FGD3: variants seen among roughly 807,000 people sequenced by gnomAD.
The protein encoded by FGD3 is FYVE, RhoGEF and PH domain-containing protein 3.
FGD3 carries 45 observed loss-of-function variants against 71.8 expected under a neutral mutation model. That is an observed-to-expected ratio of 0.63 (90% CI 0.49 to 0.80). FGD3 has a LOEUF of 0.80. Among genes scored for constraint, FGD3 ranks in the 30% least tolerant of loss-of-function variants. FGD3 has a pLI of 0.00. For missense variants in FGD3, 844 were observed against 951.5 expected, an observed-to-expected ratio of 0.89 and a Z score of 1.49; for synonymous variants, 378 against 392.8, an observed-to-expected ratio of 0.96 and a Z score of 0.44.
chr9:92,964,135 G>C (rs143365090), intron 1 of FGD3: 1 of 152,322 alleles, frequency 6.6e-6, no homozygotes, highest in Admixed American at 6.5e-5. Flanking sequence ...GTGGAGAGCT[G>C]TGGATTGCAT....
intron 14 of FGD3, among the ~76,000 whole-genome samples, chr9:93,028,363 A>G (rs1862217214): frequency 6.7e-6 from 1 of 150,122 alleles, no homozygotes; most frequent in Non-Finnish European, 1.5e-5. Flanking sequence ...AAGAAAGAAA[A>G]ACACCTGCAG....
chr9:92,947,623 C>T lies in FGD3; in HGVS notation c.-324C>T, dbSNP rs933691201. ...CACTGTGAGCGACCTCCCCGGGGCTCCTCTGGAAGCGGCTCCGGCAAGTAT... is the reference window on the plus strand; with the variant it reads ...CACTGTGAGCGACCTCCCCGGGGCTTCTCTGGAAGCGGCTCCGGCAAGTAT... On this transcript the variant is annotated 5_prime_UTR_variant, in exon 1 of 18. Coordinates refer to ENST00000375482, the MANE Select transcript of FGD3 (RefSeq NM_001083536.2). The T allele has an allele frequency of 6.6e-6, 1 of 152,290 alleles. No individual in the cohort carries two copies. The highest frequency in any genetic ancestry group is 2.4e-5 in the African/African-American group (1 of 41,456). 9.4% of individuals were successfully genotyped at this position (152,290 alleles called of 1,614,324 possible).
intron 10 of FGD3, among the ~76,000 whole-genome samples, chr9:93,016,158 C>CG (rs1564165179): frequency 6.6e-6 from 1 of 152,040 alleles, no homozygotes; most frequent in East Asian, 1.9e-4. Flanking sequence ...GACTGGGACT[C>CG]GGGGCCCTAT....
intron 16 of FGD3, chr9:93,033,840 G>A (rs1587877516): frequency 6.6e-6 from 1 of 152,404 alleles, no homozygotes; most frequent in Middle Eastern, 3.4e-3. Context: ...CCCTGACCTA[G>A]GTCCTTGGTC....
chr9:92,976,748 GCCTTT>G, intron 3 of FGD3, 39 bp downstream of exon 3: 1 of 1,513,632 alleles, frequency 6.6e-7, no homozygotes, highest in Non-Finnish European at 8.8e-7. Flanking sequence ...CGGGCTGCAG[GCCTTT>G]CCTTAGGAGG....
At chr9:92,971,826 C>T (rs1322512447) in intron 1 of FGD3, among the ~76,000 whole-genome samples, 1 of 151,928 alleles carries the variant, frequency 6.6e-6, no homozygotes, top group Non-Finnish European at 1.5e-5. Context: ...GTTGGATAAA[C>T]TTTGACATGG....
At chr9:92,998,873 G>A (rs1284779987) in intron 3 of FGD3, among the ~76,000 whole-genome samples, 1 of 152,182 alleles carries the variant, frequency 6.6e-6, no homozygotes, top group Non-Finnish European at 1.5e-5. Context: ...TGGGGTGTCA[G>A]TCGGCCCCTA....
intron 15 of FGD3, chr9:93,032,348 C>T (rs911782519): frequency 8.3e-5 from 16 of 192,582 alleles, no homozygotes; most frequent in Admixed American, 7.9e-4. Flanking sequence ...CACATCCGTG[C>T]CAACACTATT....
At chr9:93,032,731 C>A in intron 15 of FGD3, 38 bp from the exon 16 acceptor site, 1 of 1,599,252 alleles carries the variant, frequency 6.3e-7, no homozygotes, top group Non-Finnish European at 8.6e-7. Context: ...ATCCTCTGTC[C>A]CAGGGTGCTG....
At chr9:93,012,703 G>A (rs1359845032) in intron 8 of FGD3, among the ~76,000 whole-genome samples, 1 of 133,938 alleles carries the variant, frequency 7.5e-6, no homozygotes, top group Non-Finnish European at 1.6e-5. Context: ...GTGGGGGGGG[G>A]AAGAATCAAT....
In FGD3 at chr9:93,003,240, T is replaced by C. The variant is rs1268553419; in HGVS notation, c.543+226T>C. ...GCCTCTCCAGTTCAAGCAATTCTCC[T>C]GTCTCAGCCTCCCGAGTAGCTGGGA... is the stretch of plus-strand genomic sequence containing the variant. On this transcript the variant is annotated intron_variant, in intron 4 of 17. Coordinates refer to ENST00000375482, the MANE Select transcript of FGD3 (RefSeq NM_001083536.2). This position sits in a 1 kb window ranked among gnomAD's most constrained non-coding sequence, Gnocchi z 4.1. Among the ~76,000 whole-genome samples, 7 of 152,278 alleles carry C rather than the reference T, an allele frequency of 4.6e-5. No individual in the cohort carries two copies. In the East Asian group the frequency reaches 1.3e-3, roughly 29 times the overall value.
intron 15 of FGD3, among the ~76,000 whole-genome samples, chr9:93,031,243 G>C (rs1862346282): frequency 6.6e-6 from 1 of 152,186 alleles, no homozygotes; most frequent in South Asian, 2.1e-4. Context: ...ACTCAAACCT[G>C]GTTTCCCCAT....
At chr9:93,024,402 C>T (rs1862043889) in intron 14 of FGD3, among the ~76,000 whole-genome samples, 2 of 152,240 alleles carry the variant, frequency 1.3e-5, no homozygotes, top group Non-Finnish European at 2.9e-5. Context: ...TGGTGATGCC[C>T]TGGCACAGAG....
At chr9:93,007,637 TG>T (rs887485940) in intron 6 of FGD3, among the ~76,000 whole-genome samples, 4 of 152,174 alleles carry the variant, frequency 2.6e-5, no homozygotes, top group Admixed American at 1.3e-4. Flanking sequence ...GACATCTGCC[TG>T]GGGACACTCG....
chr9:92,969,486 G>A lies in FGD3; in HGVS notation c.-217-5752G>A, dbSNP rs932930363. On this transcript the variant is annotated intron_variant, in intron 1 of 17. Transcript: ENST00000375482. The surrounding 1 kb of genome is among the most constrained non-coding windows in gnomAD (Gnocchi z 4.5). The stretch of plus-strand genomic sequence containing the variant: ...ATTGAAGTGGCATCAAAGAATATAC[G>A]GGCAGTTTAAAAACCACCACTAACG... Among the ~76,000 whole-genome samples the A allele has an allele frequency of 6.6e-6, 1 of 152,146 alleles. No individual in the cohort carries two copies. The highest frequency in any genetic ancestry group is 2.4e-5 in the African/African-American group (1 of 41,396).
intron 1 of FGD3, among the ~76,000 whole-genome samples, chr9:92,967,261 C>G (rs1282147528): frequency 9.9e-5 from 15 of 152,148 alleles, no homozygotes; most frequent in Non-Finnish European, 1.3e-4. Flanking sequence ...CCGTGCCCAG[C>G]CTCCTTCATC....
intron 1 of FGD3, among the ~76,000 whole-genome samples, chr9:92,950,892 G>A (rs1209154696): frequency 1.3e-5 from 2 of 152,372 alleles, no homozygotes; most frequent in East Asian, 3.9e-4. Context: ...AATGGAGCCA[G>A]GGTCCTTGTT....
chr9:92,951,973 G>A (rs907523475), intron 1 of FGD3, among the ~76,000 whole-genome samples: 2 of 152,040 alleles, frequency 1.3e-5, no homozygotes, highest in African/African-American at 4.8e-5. Flanking sequence ...TGGCAAAAGG[G>A]GCATCTGGTT....
At chr9:92,980,560 A>G (rs927110079) in intron 3 of FGD3, among the ~76,000 whole-genome samples, 1 of 145,650 alleles carries the variant, frequency 6.9e-6, no homozygotes, top group Non-Finnish European at 1.5e-5. Flanking sequence ...TTGATTCAAG[A>G]TTTTTTTTTT....
Sources: allele counts gnomAD v4.1 joint callset (sites outside exome capture counted in the v4.1 genomes callset), GRCh38; gene constraint gnomAD v4.1.1; non-coding constraint Gnocchi (gnomAD v3.1); transcripts MANE v1.5; gene names NCBI Gene and HGNC (gene_info 2026-07-23, HGNC 2026-07-21).